The following TMEM207 variants were observed in gnomAD, a reference collection of about 807,000 sequenced individuals.
TMEM207 encodes the protein SRSR846.
A neutral mutation model predicts 17.4 loss-of-function variants in TMEM207; 15 were observed. That is an observed-to-expected ratio of 0.86 (90% CI 0.58 to 1.33). The LOEUF is 1.33. Ranked by LOEUF, TMEM207 falls within the 40% of genes most tolerant of loss-of-function variation. The pLI, the probability that TMEM207 is intolerant of heterozygous loss-of-function variation, is 0.00. For synonymous variants in TMEM207, 70 were observed against 65.6 expected (o/e 1.07, Z -0.33); for missense variants, 205 against 173.8 (o/e 1.18, Z -1.01).
intron 4 of TMEM207, among the ~76,000 whole-genome samples, chr3:190,435,683 T>A (rs950972492): frequency 1.3e-5 from 2 of 152,202 alleles, no homozygotes; most frequent in African/African-American, 4.8e-5. Flanking sequence ...TTCAGGGGTA[T>A]AGATCCTATG....
At chr3:190,440,590 T>G (rs934231203) in intron 3 of TMEM207, among the ~76,000 whole-genome samples, 3 of 152,202 alleles carry the variant, frequency 2.0e-5, no homozygotes, top group Non-Finnish European at 4.4e-5. Context: ...CAGAAAGGGT[T>G]GATCTTTCCA....
chr3:190,445,557 G>A lies in TMEM207; in HGVS notation c.113+2233C>T, dbSNP rs138732187. Among the ~76,000 whole-genome samples the A allele has an allele frequency of 9.9e-3, 1,511 of 152,272 alleles. 27 individuals carry two copies. Among genetic ancestry groups the A allele is most frequent in the African/African-American group, 0.035 (1,456 of 41,562 alleles). On this transcript the variant is annotated intron_variant, in intron 2 of 4. Transcript: ENST00000354905. ...TTGTTGTTATTTGAGACGGAGTCTC[G>A]CTCTGTTACCCAGGCTGGAGTGCAG... is the stretch of plus-strand genomic sequence containing the variant.
chr3:190,447,563 A>G (rs1357588143), intron 2 of TMEM207, among the ~76,000 whole-genome samples: 1 of 152,172 alleles, frequency 6.6e-6, no homozygotes, highest in African/African-American at 2.4e-5. Flanking sequence ...TCTAGAAATC[A>G]ACTAGGCCTC....
At chr3:190,438,459 T>G (rs1468485648) in intron 4 of TMEM207, among the ~76,000 whole-genome samples, 1 of 152,138 alleles carries the variant, frequency 6.6e-6, no homozygotes, top group South Asian at 2.1e-4. Flanking sequence ...AGAGCACATA[T>G]GGAATCTGCC....
intron 2 of TMEM207, among the ~76,000 whole-genome samples, chr3:190,444,865 T>C (rs1720011008): frequency 6.6e-6 from 1 of 152,200 alleles, no homozygotes; most frequent in Admixed American, 6.6e-5. Context: ...AATTTTTTTT[T>C]ATTTTTAAAA....
chr3:190,433,587 T>G (rs914036829), intron 4 of TMEM207, among the ~76,000 whole-genome samples: 2 of 152,152 alleles, frequency 1.3e-5, no homozygotes, highest in African/African-American at 4.8e-5. Context: ...TTTTGAGGAT[T>G]TTTCTCTTCT....
rs184753074 is a variant in TMEM207 at position 190,449,816 on chromosome 3, A to G, written c.-7T>C. ...AAAGTCTGGATCTTGACATATTTAA[A>G]GGACAGTCAACTTAGGATAGTGGTT... On this transcript the variant is annotated 5_prime_UTR_variant, in exon 1 of 5. Coordinates refer to ENST00000354905, the MANE Select transcript of TMEM207 (RefSeq NM_207316.3). 88 of 1,613,434 alleles carry G rather than the reference A, an allele frequency of 5.5e-5. No homozygotes were observed. In the African/African-American group the frequency reaches 1.1e-3, roughly 21 times the overall value.
rs1167342072 is a variant in TMEM207 at position 190,449,610 on chromosome 3, C to T, written c.75+125G>A. 8.4e-6 allele frequency: 7 copies of T among 833,216 alleles called. No homozygotes were observed. The East Asian group carries it at 1.9e-4, about 22-fold the overall frequency. 51.6% of individuals were successfully genotyped at this position (833,216 alleles called of 1,614,324 possible). A position where few individuals can be genotyped will look rare whatever the true frequency, so the allele number is the denominator to read the frequency against. On this transcript the variant is annotated intron_variant, in intron 1 of 4. Coordinates refer to ENST00000354905, the MANE Select transcript of TMEM207 (RefSeq NM_207316.3). ...AAGAAATCATAAGATGCTAGTAAAG[C>T]TTGAAGGAAATCTTTTAAATGTAGA...
At chr3:190,448,873 A>C (rs182126980) in intron 1 of TMEM207, among the ~76,000 whole-genome samples, 2 of 152,312 alleles carry the variant, frequency 1.3e-5, no homozygotes, top group African/African-American at 4.8e-5. Context: ...TGGCCATCAG[A>C]GAGCATGGTA....
intron 1 of TMEM207, among the ~76,000 whole-genome samples, chr3:190,448,885 T>C (rs984545328): frequency 1.3e-5 from 2 of 152,178 alleles, no homozygotes; most frequent in Admixed American, 1.3e-4. Flanking sequence ...AGCATGGTAA[T>C]GAACAATTTA....
intron 4 of TMEM207, 80 bp from the exon 5 acceptor site, chr3:190,429,811 G>A (rs756982626): frequency 2.5e-5 from 36 of 1,415,742 alleles, no homozygotes; most frequent in Non-Finnish European, 3.3e-5. Context: ...ATAAAATCTG[G>A]CATTGCTTGG....
chr3:190,445,891 A>G (rs1720034970), intron 2 of TMEM207, among the ~76,000 whole-genome samples: 1 of 152,166 alleles, frequency 6.6e-6, no homozygotes, highest in African/African-American at 2.4e-5. Flanking sequence ...CAATTCTTGG[A>G]ACATAGAAGT....
intron 2 of TMEM207, chr3:190,444,334 G>A: frequency 2.6e-6 from 2 of 771,088 alleles, no homozygotes; most frequent in Non-Finnish European, 3.2e-6. Flanking sequence ...AGTGGTAGAA[G>A]TAGGTTTTCA....
chr3:190,434,305 G>A (rs1399744291), intron 4 of TMEM207, among the ~76,000 whole-genome samples: 1 of 152,168 alleles, frequency 6.6e-6, no homozygotes, highest in African/African-American at 2.4e-5. Flanking sequence ...GGGATCTGAT[G>A]GAAGACAATT....
chr3:190,439,164 G>C (rs1427581625), intron 4 of TMEM207, among the ~76,000 whole-genome samples: 13 of 121,810 alleles, frequency 1.1e-4, no homozygotes, highest in Non-Finnish European at 1.9e-4. Flanking sequence ...GCGACAGAGC[G>C]AGACTCCGTC....
chr3:190,435,389 C>G (rs1452433163), intron 4 of TMEM207, among the ~76,000 whole-genome samples: 1 of 152,120 alleles, frequency 6.6e-6, no homozygotes, highest in Non-Finnish European at 1.5e-5. Context: ...ATCCCAATTA[C>G]CTCATTTTAA....
chr3:190,444,990 A>G (rs895411731), intron 2 of TMEM207, among the ~76,000 whole-genome samples: 2 of 152,210 alleles, frequency 1.3e-5, no homozygotes, highest in Admixed American at 1.3e-4. Flanking sequence ...ATCTCAAAGA[A>G]TGAATGGACT....
chr3:190,433,553 G>A (rs1212851304), intron 4 of TMEM207, among the ~76,000 whole-genome samples: 2 of 152,014 alleles, frequency 1.3e-5, no homozygotes, highest in African/African-American at 4.8e-5. Context: ...GTAGAGATTT[G>A]GGATACAGAT....
Position 190,429,330 on chromosome 3 carries a change from G to C in TMEM207, c.*265C>G. On this transcript the variant is annotated 3_prime_UTR_variant, in exon 5 of 5. Coordinates refer to ENST00000354905, the MANE Select transcript of TMEM207 (RefSeq NM_207316.3). The stretch of plus-strand genomic sequence containing the variant: ...CCAGCACCTAATTGTTGCCTGTTTG[G>C]ATACTAGTGGAGAAGCATTAATTTG... 1 of 386,422 alleles carries C rather than the reference G, an allele frequency of 2.6e-6. No homozygotes were observed. Among genetic ancestry groups the C allele is most frequent in the Non-Finnish European group, 4.7e-6 (1 of 212,440 alleles). 23.9% of individuals were successfully genotyped at this position (386,422 alleles called of 1,614,324 possible).
Sources: allele counts gnomAD v4.1 joint callset (sites outside exome capture counted in the v4.1 genomes callset), GRCh38; gene constraint gnomAD v4.1.1; transcripts MANE v1.5; gene names NCBI Gene and HGNC (gene_info 2026-07-23, HGNC 2026-07-21).